KRT3: variants seen among roughly 807,000 people sequenced by gnomAD.
KRT3 encodes keratin, type II cytoskeletal 3.
A neutral mutation model predicts 45.8 loss-of-function variants in KRT3; 34 were observed. The observed-to-expected ratio is 0.74, with a 90% CI of 0.57 to 0.99. The LOEUF (loss-of-function observed/expected upper bound fraction) is 0.99, where lower values mean the gene tolerates loss of function less well. Ranked by LOEUF, KRT3 falls within the 50% of genes least tolerant of loss-of-function variation. The pLI, the probability that KRT3 is intolerant of heterozygous loss-of-function variation, is 0.00. For missense variants in KRT3, 828 were observed against 820.6 expected, an observed-to-expected ratio of 1.01 and a Z score of -0.11; for synonymous variants, 367 against 329.0, an observed-to-expected ratio of 1.12 and a Z score of -1.25.
intron 5 of KRT3, 113 bp from the exon 6 acceptor site, chr12:52,791,929 G>T: frequency 8.4e-7 from 1 of 1,184,902 alleles, no homozygotes; most frequent in Non-Finnish European, 1.2e-6. Flanking sequence ...TTGCTAAAAT[G>T]ATACTGCATT....
intron 1 of KRT3, among the ~76,000 whole-genome samples, chr12:52,795,139 G>A (rs1290384358): frequency 6.6e-6 from 1 of 152,138 alleles, no homozygotes; most frequent in East Asian, 1.9e-4. Flanking sequence ...GGCAATGACT[G>A]GAAACTTCAG....
intron 2 of KRT3, 123 bp downstream of exon 2, chr12:52,793,978 CCTTCATGAAG>C: frequency 1.5e-6 from 1 of 677,206 alleles, no homozygotes. Context: ...ACCAAGCTGT[CCTTCATGAAG>C]GTAAGGAGAG....
Position 52,792,246 on chromosome 12 carries a change from TG to T in KRT3, c.1180del (p.Gln394ArgfsTer18). ...GAGGTGACTAGCACCCACCTTGGTCTGGTACAGGGCCTCAGCTTCGGCCTTG... is the reference window on the plus strand; with the variant it reads ...GAGGTGACTAGCACCCACCTTGGTCTGTACAGGGCCTCAGCTTCGGCCTTG... ...RSKAEAEALY[Q>X]TKLGELQTTA... On this transcript the variant is annotated frameshift_variant, in exon 5 of 9. Coordinates refer to ENST00000417996, the MANE Select transcript of KRT3 (RefSeq NM_057088.3). LOFTEE classifies it high-confidence loss of function. The T allele has an allele frequency of 6.2e-7, 1 of 1,613,998 alleles. No homozygotes were observed. The highest frequency in any genetic ancestry group is 8.5e-7 in the Non-Finnish European group (1 of 1,179,934).
Position 52,794,180 on chromosome 12 carries a change from AG to A in KRT3, c.796del (p.Leu266SerfsTer11), listed in dbSNP as rs1207050803. 6.2e-7 allele frequency: 1 copy of A among 1,614,130 alleles called. No individual in the cohort carries two copies. Among genetic ancestry groups the A allele is most frequent in the East Asian group, 2.2e-5 (1 of 44,876 alleles). ...NYLRSYLDNI[L>X]GERGRLDSEL... ...AGAGTCCAGGCGCCCTCTCTCCCCGAGGATGTTGTCCAGGTAGCTCCGCAGG... is the reference window on the plus strand; with the variant it reads ...AGAGTCCAGGCGCCCTCTCTCCCCGAGATGTTGTCCAGGTAGCTCCGCAGG... On this transcript the variant is annotated frameshift_variant, in exon 2 of 9. Transcript: ENST00000417996. LOFTEE classifies it high-confidence loss of function.
chr12:52,790,193 C>T lies in KRT3; in HGVS notation c.1736G>A (p.Gly579Asp). ...GGGIGGGFGG[G>D]SSGFSGGSGF... ...GCTGCCACCGCTGAAACCGCTGCTG[C>T]CGCCGCCAAATCCACCGCCGATTCC... The change falls in exon 9 of 9, where the codon GGC (glycine) becomes GAC (aspartate). Residue 579 changes from glycine to aspartate, a missense_variant. By Grantham distance (94) the Gly-to-Asp change is moderately conservative. Transcript: ENST00000417996. 6.5e-7 allele frequency: 1 copy of T among 1,548,980 alleles called. No individual in the cohort carries two copies. Among genetic ancestry groups the T allele is most frequent in the Non-Finnish European group, 8.7e-7 (1 of 1,146,652 alleles).
rs1939619587 is a variant in KRT3 at position 52,795,596 on chromosome 12, A to G, written c.447T>C (p.Phe149=). The G allele has an allele frequency of 6.3e-6, 10 of 1,599,418 alleles. No homozygotes were observed. Among genetic ancestry groups the G allele is most frequent in the Non-Finnish European group, 8.5e-6 (10 of 1,172,882 alleles). The change falls in exon 1 of 9, where the codon TTT becomes TTC. Residue 149 remains phenylalanine (F), a synonymous_variant. Coordinates refer to ENST00000417996, the MANE Select transcript of KRT3 (RefSeq NM_057088.3). ...GPGGFGGSGG[F]GGPGSLGSPG... is the part of the protein sequence containing the mutation. ...GACTGCCCAAGCTGCCAGGCCCACCAAAGCCACCAGACCCACCAAAGCCAC... is the reference window on the plus strand; with the variant it reads ...GACTGCCCAAGCTGCCAGGCCCACCGAAGCCACCAGACCCACCAAAGCCAC...
chr12:52,791,544 A>C, intron 6 of KRT3, 118 bp from the exon 7 acceptor site: 1 of 1,429,864 alleles, frequency 7.0e-7, no homozygotes, highest in Non-Finnish European at 9.6e-7. Flanking sequence ...TAGTGCCTCC[A>C]TCTTGTCTCC....
chr12:52,793,324 C>G (rs1939569554), intron 2 of KRT3, 101 bp from the exon 3 acceptor site: 2 of 744,364 alleles, frequency 2.7e-6, no homozygotes, highest in Non-Finnish European at 4.6e-6. Context: ...CTCCCTCCAT[C>G]CCTATCCTGC....
chr12:52,795,903 C>A lies in KRT3; in HGVS notation c.140G>T (p.Ser47Ile). Residue 47 changes from serine (S) to isoleucine (I), a missense_variant, in exon 1 of 9, where the codon AGC (serine) becomes ATC (isoleucine). By Grantham distance (142) the Ser-to-Ile change is moderately radical. Transcript: ENST00000417996. ...GAGGGAYGFRSGAGGFGSRSL... is the reference protein window; with the variant it reads ...GAGGGAYGFRIGAGGFGSRSL... ...GCGACTGCCAAAGCCACCTGCTCCGCTCCGGAAGCCATAGGCCCCTCCGCC... is the reference window on the plus strand; with the variant it reads ...GCGACTGCCAAAGCCACCTGCTCCGATCCGGAAGCCATAGGCCCCTCCGCC... 8 of 1,614,080 alleles carry A rather than the reference C, an allele frequency of 5.0e-6. No homozygotes were observed. Among genetic ancestry groups the A allele is most frequent in the Non-Finnish European group, 6.8e-6 (8 of 1,179,914 alleles).
chr12:52,792,592 T>C, intron 4 of KRT3, 119 bp downstream of exon 4: 1 of 972,316 alleles, frequency 1.0e-6, no homozygotes, highest in East Asian at 2.4e-5. Flanking sequence ...CTTCCAAGGG[T>C]CCTCATCTCC....
At chr12:52,792,118 A>G (rs1265481950) in intron 5 of KRT3, 121 bp downstream of exon 5, 8 of 860,924 alleles carry the variant, frequency 9.3e-6, no homozygotes, top group Admixed American at 2.6e-5. Context: ...GGATGACTTC[A>G]GAGGGTAAAA....
At chr12:52,794,846 C>T (rs972520048) in intron 1 of KRT3, among the ~76,000 whole-genome samples, 1 of 152,196 alleles carries the variant, frequency 6.6e-6, no homozygotes, top group African/African-American at 2.4e-5. Flanking sequence ...TGGAGAAGCT[C>T]ACCGAGCACT....
Position 52,794,199 on chromosome 12 carries a change from T to A in KRT3, c.778A>T (p.Ser260Cys). 6.2e-7 allele frequency: 1 copy of A among 1,614,164 alleles called. No individual in the cohort carries two copies. Among genetic ancestry groups the A allele is most frequent in the African/African-American group, 1.3e-5 (1 of 75,046 alleles). The change falls in exon 2 of 9, where the codon AGC becomes TGC. Residue 260 changes from serine (S) to cysteine (C), a missense_variant. Ser to Cys is a moderately radical substitution (Grantham distance 112). Coordinates refer to ENST00000417996, the MANE Select transcript of KRT3 (RefSeq NM_057088.3). Reference sequence around the variant, plus strand: ...TCCCCGAGGATGTTGTCCAGGTAGCTCCGCAGGTAGTTGATGTGATTCTCA... The same window carrying A: ...TCCCCGAGGATGTTGTCCAGGTAGCACCGCAGGTAGTTGATGTGATTCTCA... ...LFENHINYLR[S>C]YLDNILGERG...
chr12:52,792,946 A>G, intron 3 of KRT3, 140 bp from the exon 4 acceptor site: 1 of 712,580 alleles, frequency 1.4e-6, no homozygotes, highest in East Asian at 2.5e-5. Flanking sequence ...GGCAATTTGT[A>G]TCTCATTAGG....
chr12:52,792,628 G>T, intron 4 of KRT3, 83 bp downstream of exon 4: 1 of 1,072,638 alleles, frequency 9.3e-7, no homozygotes, highest in Non-Finnish European at 1.5e-6. Context: ...GTCTTCTGGG[G>T]CCTATATACC....
intron 8 of KRT3, 39 bp from the exon 9 acceptor site, chr12:52,790,397 C>T (rs369701432): frequency 9.7e-6 from 15 of 1,541,546 alleles, no homozygotes; most frequent in Middle Eastern, 1.8e-4. Flanking sequence ...AGCGACGGCG[C>T]CCAGGCCAGC....
chr12:52,792,728 T>G lies in KRT3; in HGVS notation c.1006A>C (p.Arg336=), dbSNP rs1476798427. 1.2e-6 allele frequency: 2 copies of G among 1,611,804 alleles called. No individual in the cohort carries two copies. Among genetic ancestry groups the G allele is most frequent in the African/African-American group, 2.7e-5 (2 of 74,870 alleles). ...ATCCTTACAGCGTCGTAGAGGGTCC[T>G]TAAGAAGTCGATCTCATCTATCAAG... ...DALIDEIDFL[R]TLYDAELSQM... The change falls in exon 4 of 9, where the codon AGG becomes CGG. Residue 336 remains arginine (R), a synonymous_variant. Coordinates refer to ENST00000417996, the MANE Select transcript of KRT3 (RefSeq NM_057088.3).
rs1030897673 is a variant in KRT3, at chr12:52,789,828, A to T, written c.*214T>A. On this transcript the variant is annotated 3_prime_UTR_variant, in exon 9 of 9. Transcript: ENST00000417996. ...TGGCGGCCTAGGCCACACCTGGACAATCACAGGCACAGGCTGGAGCCGGAG... is the reference window on the plus strand; with the variant it reads ...TGGCGGCCTAGGCCACACCTGGACATTCACAGGCACAGGCTGGAGCCGGAG... 3.1e-6 allele frequency: 2 copies of T among 647,326 alleles called. No individual in the cohort carries two copies. The highest frequency in any genetic ancestry group is 5.4e-6 in the Non-Finnish European group (2 of 371,990). 40.1% of individuals were successfully genotyped at this position (647,326 alleles called of 1,614,324 possible). A position where few individuals can be genotyped will look rare whatever the true frequency, so the allele number is the denominator to read the frequency against.
chr12:52,793,061 G>T, intron 3 of KRT3, 102 bp downstream of exon 3: 5 of 893,000 alleles, frequency 5.6e-6, no homozygotes, highest in Middle Eastern at 2.2e-4. Context: ...TGCTCCAAAG[G>T]CCTGAACTTG....
Sources: allele counts gnomAD v4.1 joint callset (sites outside exome capture counted in the v4.1 genomes callset), GRCh38; gene constraint gnomAD v4.1.1; transcripts MANE v1.5; gene names NCBI Gene and HGNC (gene_info 2026-07-23, HGNC 2026-07-21).